The following PLEKHA7 variants were observed in gnomAD, a reference collection of about 807,000 sequenced individuals.
PLEKHA7 encodes the protein pleckstrin homology domain containing A7.
Under a neutral mutation model 170.0 loss-of-function variants are expected in PLEKHA7, and 104 were observed. That is an observed-to-expected ratio of 0.61 (90% CI 0.52 to 0.72). The LOEUF (loss-of-function observed/expected upper bound fraction) is 0.72, where lower values mean the gene tolerates loss of function less well. PLEKHA7 is among the 30% of genes least tolerant of loss of function. The pLI is 0.00. For synonymous variants in PLEKHA7, 648 were observed against 660.8 expected (o/e 0.98, Z 0.30); for missense variants, 1,615 against 1,671.7 (o/e 0.97, Z 0.59).
At chr11:16,801,909 A>G (rs1848621455) in intron 15 of PLEKHA7, 92 bp from the exon 16 acceptor site, 2 of 1,508,576 alleles carry the variant, frequency 1.3e-6, no homozygotes, top group Non-Finnish European at 1.8e-6. Context: ...TACTGGACCT[A>G]ACCAAGGCCG....
At chr11:16,855,066 G>A (rs1294404587) in intron 5 of PLEKHA7, 73 bp from the exon 6 acceptor site, 4 of 1,287,748 alleles carry the variant, frequency 3.1e-6, no homozygotes, top group East Asian at 2.3e-5. Context: ...TATGTTAGGA[G>A]GACCGTCGGC....
intron 8 of PLEKHA7, among the ~76,000 whole-genome samples, chr11:16,846,330 G>A (rs1488839670): frequency 6.6e-6 from 1 of 150,938 alleles, no homozygotes; most frequent in Non-Finnish European, 1.5e-5. Flanking sequence ...GAAAAGAGAA[G>A]AGAAGAGAAA....
At chr11:16,923,477 C>T (rs1403602967) in intron 3 of PLEKHA7, among the ~76,000 whole-genome samples, 3 of 152,128 alleles carry the variant, frequency 2.0e-5, no homozygotes, top group African/African-American at 7.2e-5. Context: ...TCAACAGCCT[C>T]TTTAAAGTCA....
chr11:16,902,863 C>T (rs1187137753), intron 3 of PLEKHA7, among the ~76,000 whole-genome samples: 1 of 152,214 alleles, frequency 6.6e-6, no homozygotes, highest in Non-Finnish European at 1.5e-5. Flanking sequence ...ACACAATAAA[C>T]AGTCAGCAAG....
intron 3 of PLEKHA7, among the ~76,000 whole-genome samples, chr11:16,939,511 A>T (rs1316860997): frequency 5.9e-5 from 9 of 152,250 alleles, no homozygotes; most frequent in Admixed American, 5.2e-4. Context: ...AGGAAATTTT[A>T]AAAATTTACG....
intron 3 of PLEKHA7, among the ~76,000 whole-genome samples, chr11:16,890,811 T>G (rs1431515515): frequency 3.3e-5 from 5 of 152,192 alleles, no homozygotes; most frequent in African/African-American, 1.2e-4. Flanking sequence ...TGCCTTAAAA[T>G]CCATCTTCCA....
chr11:16,939,005 T>G (rs994315237), intron 3 of PLEKHA7, among the ~76,000 whole-genome samples: 1 of 152,212 alleles, frequency 6.6e-6, no homozygotes, highest in African/African-American at 2.4e-5. Flanking sequence ...TTTTAGAAGA[T>G]TCAAAGATCT....
At chr11:16,795,188 G>C (rs898036346) in intron 17 of PLEKHA7, 170 bp from the exon 18 acceptor site, 6 of 589,392 alleles carry the variant, frequency 1.0e-5, no homozygotes, top group African/African-American at 1.9e-5. Context: ...GGTAAGCATA[G>C]ACAAGGAAAA....
At chr11:16,821,059 T>C (rs1047527319) in intron 10 of PLEKHA7, among the ~76,000 whole-genome samples, 3 of 152,182 alleles carry the variant, frequency 2.0e-5, no homozygotes, top group African/African-American at 7.2e-5. Flanking sequence ...GCTCAAGGTC[T>C]CCTTATACCA....
At position 16,786,579 on chromosome 11, in the gene PLEKHA7, T is replaced by C. The variant is rs141350535; in HGVS notation, c.3358-192A>G. The C allele has an allele frequency of 1.1e-5, 11 of 985,428 alleles. No individual in the cohort carries two copies. The East Asian group carries it at 1.2e-3, about 112-fold the overall frequency. 61.0% of individuals were successfully genotyped at this position (985,428 alleles called of 1,614,324 possible). A position where few individuals can be genotyped will look rare whatever the true frequency, so the allele number is the denominator to read the frequency against. On this transcript the variant is annotated intron_variant, in intron 23 of 26. Transcript: ENST00000531066. ...TTCCAGACTGCTAAGTGCTCTCTGATCTGGGTTCCCAGAGGTTTCAAACAT... is the reference window on the plus strand; with the variant it reads ...TTCCAGACTGCTAAGTGCTCTCTGACCTGGGTTCCCAGAGGTTTCAAACAT...
At chr11:16,868,878 T>G (rs1854606434) in intron 4 of PLEKHA7, among the ~76,000 whole-genome samples, 1 of 152,146 alleles carries the variant, frequency 6.6e-6, no homozygotes, top group Non-Finnish European at 1.5e-5. Flanking sequence ...AAGTCTTCTG[T>G]TAAGAATGAG....
intron 3 of PLEKHA7, among the ~76,000 whole-genome samples, chr11:16,913,700 T>G (rs892350218): frequency 6.6e-6 from 1 of 152,206 alleles, no homozygotes. Context: ...TAAATTTCAC[T>G]GGCAAACCAC....
chr11:16,934,100 G>A (rs533669090), intron 3 of PLEKHA7, among the ~76,000 whole-genome samples: 1 of 152,298 alleles, frequency 6.6e-6, no homozygotes, highest in Admixed American at 6.5e-5. Flanking sequence ...AGAAAGATAA[G>A]TTATCGTGCC....
rs1252191793 is a variant in PLEKHA7 at position 16,838,690 on chromosome 11, T to C, written c.872+2857A>G. ...CACACTCACTAGTGAAATACACAGT[T>C]TTCTTTTTTTTTTTTTTTTTTTTTG... On this transcript the variant is annotated intron_variant, in intron 9 of 26. Transcript: ENST00000531066. Among the ~76,000 whole-genome samples the C allele has an allele frequency of 2.3e-5, 3 of 131,094 alleles. No individual in the cohort carries two copies. The East Asian group carries it at 7.6e-4, about 33-fold the overall frequency. The allele number at this position is 131,094 out of a possible 152,430, so 86.0% of individuals were successfully genotyped here. A position where few individuals can be genotyped will look rare whatever the true frequency, so the allele number is the denominator to read the frequency against.
intron 3 of PLEKHA7, among the ~76,000 whole-genome samples, chr11:16,992,521 C>T (rs999630080): frequency 2.6e-5 from 4 of 152,074 alleles, no homozygotes; most frequent in African/African-American, 7.2e-5. Context: ...CTTGGGAGGC[C>T]GAGGCAGGAG....
intron 3 of PLEKHA7, among the ~76,000 whole-genome samples, chr11:16,973,261 C>A (rs1449716230): frequency 6.6e-6 from 1 of 152,198 alleles, no homozygotes; most frequent in Non-Finnish European, 1.5e-5. Context: ...GGCAAGAACA[C>A]AGGCCACTAG....
intron 3 of PLEKHA7, among the ~76,000 whole-genome samples, chr11:16,977,745 C>G (rs1484721307): frequency 6.6e-6 from 1 of 152,178 alleles, no homozygotes. Flanking sequence ...AGTAGCTGCT[C>G]TAGGATCTTT....
intron 3 of PLEKHA7, among the ~76,000 whole-genome samples, chr11:16,981,119 G>A (rs1863401815): frequency 6.6e-6 from 1 of 152,040 alleles, no homozygotes. Flanking sequence ...AAAGAGTGTT[G>A]CTCTGTTCCT....
chr11:16,851,328 G>A (rs372337105), intron 7 of PLEKHA7, 37 bp from the exon 8 acceptor site: 421 of 1,538,230 alleles, frequency 2.7e-4, no homozygotes, highest in Non-Finnish European at 3.6e-4. Context: ...AACCTTCTGG[G>A]CAGTTTCCCT....
Sources: allele counts gnomAD v4.1 joint callset (sites outside exome capture counted in the v4.1 genomes callset), GRCh38; gene constraint gnomAD v4.1.1; transcripts MANE v1.5; gene names NCBI Gene and HGNC (gene_info 2026-07-23, HGNC 2026-07-21).